The following DNAH9 variants were observed in gnomAD, a reference collection of about 807,000 sequenced individuals.
DNAH9 encodes dynein axonemal heavy chain 9, also known as DNAH9 variant protein.
In DNAH9, 345 loss-of-function variants were observed where a neutral mutation model predicts 471.6. The observed-to-expected ratio is 0.73, with a 90% CI of 0.67 to 0.80. The LOEUF (loss-of-function observed/expected upper bound fraction) is 0.80, where lower values mean the gene tolerates loss of function less well. Among genes scored for constraint, DNAH9 ranks in the 30% least tolerant of loss-of-function variants. DNAH9 has a pLI of 0.00. For missense variants in DNAH9, 5,407 were observed against 5,609.2 expected, an observed-to-expected ratio of 0.96 and a Z score of 1.15; for synonymous variants, 2,093 against 2,123.6, an observed-to-expected ratio of 0.99 and a Z score of 0.40.
chr17:11,614,797 C>CT (rs1352421938), intron 4 of DNAH9, among the ~76,000 whole-genome samples: 3 of 152,120 alleles, frequency 2.0e-5, no homozygotes, highest in Admixed American at 1.3e-4. Flanking sequence ...CAGCCAAACT[C>CT]TATGTGAAGC....
At chr17:11,624,410 G>A (rs1203667545) in intron 6 of DNAH9, among the ~76,000 whole-genome samples, 1 of 152,142 alleles carries the variant, frequency 6.6e-6, no homozygotes, top group African/African-American at 2.4e-5. Context: ...CCAGGAGGCT[G>A]AGGCAGGAGA....
intron 11 of DNAH9, among the ~76,000 whole-genome samples, chr17:11,645,879 C>CTTTT (rs760279719): frequency 8.5e-5 from 6 of 70,612 alleles, no homozygotes; most frequent in Non-Finnish European, 1.5e-4. Context: ...TTTTCTTTTT[C>CTTTT]TTTTTTTTTT....
intron 43 of DNAH9, among the ~76,000 whole-genome samples, chr17:11,802,473 A>G (rs1398733525): frequency 6.6e-6 from 1 of 152,080 alleles, no homozygotes; most frequent in Non-Finnish European, 1.5e-5. Context: ...TACTAAAAAT[A>G]CCAAAAAACT....
At chr17:11,902,651 TC>T (rs1308101219) in intron 59 of DNAH9, 67 bp from the exon 60 acceptor site, 27 of 1,426,464 alleles carry the variant, frequency 1.9e-5, no homozygotes, top group African/African-American at 2.8e-5. Flanking sequence ...GGCCCCTCAA[TC>T]CCCCAACACA....
intron 28 of DNAH9, among the ~76,000 whole-genome samples, chr17:11,734,644 G>A (rs1445972828): frequency 6.6e-6 from 1 of 152,208 alleles, no homozygotes; most frequent in Non-Finnish European, 1.5e-5. Flanking sequence ...CTGAGAGAGG[G>A]AGAGAGGGGA....
At chr17:11,868,705 T>C (rs1414012561) in intron 50 of DNAH9, among the ~76,000 whole-genome samples, 1 of 152,068 alleles carries the variant, frequency 6.6e-6, no homozygotes, top group Non-Finnish European at 1.5e-5. Context: ...GATGTGTTCT[T>C]GCTTCTAATA....
rs1428467623 is a variant in DNAH9 at position 11,780,997 on chromosome 17, C to G, written c.7553-12C>G. 6.2e-7 allele frequency: 1 copy of G among 1,612,028 alleles called. No homozygotes were observed. The highest frequency in any genetic ancestry group is 1.3e-5 in the African/African-American group (1 of 74,860). On this transcript the variant is annotated splice_polypyrimidine_tract_variant and intron_variant, in intron 38 of 68. Coordinates refer to ENST00000262442, the MANE Select transcript of DNAH9 (RefSeq NM_001372.4). ...TGAGCCGCCTTCCCTCACCGACTGG[C>G]TCTCTCCCCAGCTGTCCTGGAGAAG...
intron 67 of DNAH9, among the ~76,000 whole-genome samples, chr17:11,951,485 A>G (rs1975358778): frequency 6.6e-6 from 1 of 151,372 alleles, no homozygotes; most frequent in African/African-American, 2.5e-5. Context: ...GTTTGAGACC[A>G]GCCTAGCCAA....
rs1433816476 is a variant in DNAH9, at chr17:11,690,373, AACATGGACTC to A, written c.4554_4563del (p.Thr1520LysfsTer31). 1.5e-5 allele frequency: 25 copies of A among 1,614,178 alleles called. No individual in the cohort carries two copies. The highest frequency in any genetic ancestry group is 2.1e-5 in the Non-Finnish European group (25 of 1,180,028). On this transcript the variant is annotated frameshift_variant, in exon 20 of 69. Coordinates refer to ENST00000262442, the MANE Select transcript of DNAH9 (RefSeq NM_001372.4). LOFTEE classifies it high-confidence loss of function. ...TCTCTATCTGGTTTGAAGTGCAGCG[AACATGGACTC>A]ACCTGGAAAGCATATTCACTGGATC...
At chr17:11,665,470 G>A (rs896759517) in intron 15 of DNAH9, among the ~76,000 whole-genome samples, 29 of 152,218 alleles carry the variant, frequency 1.9e-4, no homozygotes, top group Non-Finnish European at 3.5e-4. Context: ...ACAAGAAGTA[G>A]GGGAGGAGGT....
intron 22 of DNAH9, among the ~76,000 whole-genome samples, chr17:11,699,024 G>A (rs1163972363): frequency 6.6e-6 from 1 of 152,108 alleles, no homozygotes; most frequent in Non-Finnish European, 1.5e-5. Context: ...GCCAAGGGGG[G>A]CGGATCACGA....
chr17:11,860,541 G>A (rs1971805639), intron 50 of DNAH9, among the ~76,000 whole-genome samples: 1 of 151,872 alleles, frequency 6.6e-6, no homozygotes, highest in South Asian at 2.1e-4. Flanking sequence ...TGTTGTTGTT[G>A]CTTTGTGTTT....
At chr17:11,701,718 G>A (rs561388177) in intron 24 of DNAH9, among the ~76,000 whole-genome samples, 9 of 152,052 alleles carry the variant, frequency 5.9e-5, no homozygotes, top group African/African-American at 1.9e-4. Flanking sequence ...TTGCTCTGTC[G>A]CCCAGGCTGA....
At chr17:11,656,451 A>G (rs2073650432) in intron 14 of DNAH9, among the ~76,000 whole-genome samples, 1 of 152,082 alleles carries the variant, frequency 6.6e-6, no homozygotes, top group South Asian at 2.1e-4. Flanking sequence ...CTAGATTTTT[A>G]AAACAGTGTA....
intron 48 of DNAH9, among the ~76,000 whole-genome samples, chr17:11,833,019 A>G: frequency 6.6e-6 from 1 of 152,230 alleles, no homozygotes; most frequent in East Asian, 1.9e-4. Context: ...GATTCAGTAC[A>G]TCTGGATTAG....
At chr17:11,777,087 T>C (rs951450542) in intron 38 of DNAH9, among the ~76,000 whole-genome samples, 1 of 152,256 alleles carries the variant, frequency 6.6e-6, no homozygotes, top group South Asian at 2.1e-4. Flanking sequence ...ATCTGTTTTA[T>C]AAATATCTGT....
At chr17:11,688,228 C>A (rs917841394) in intron 19 of DNAH9, among the ~76,000 whole-genome samples, 3 of 151,868 alleles carry the variant, frequency 2.0e-5, no homozygotes, top group African/African-American at 7.3e-5. Context: ...GGATTAGAAG[C>A]AGTTTCAGGT....
intron 48 of DNAH9, among the ~76,000 whole-genome samples, chr17:11,831,563 C>G (rs1970684919): frequency 6.6e-6 from 1 of 152,150 alleles, no homozygotes; most frequent in South Asian, 2.1e-4. Flanking sequence ...CTATAACAGT[C>G]TCCAGCCCTC....
chr17:11,634,971 G>T (rs2073134034), intron 8 of DNAH9, among the ~76,000 whole-genome samples: 1 of 152,112 alleles, frequency 6.6e-6, no homozygotes, highest in African/African-American at 2.4e-5. Flanking sequence ...AGAGCATAAG[G>T]TCTTAGACAA....
Sources: allele counts gnomAD v4.1 joint callset (sites outside exome capture counted in the v4.1 genomes callset), GRCh38; gene constraint gnomAD v4.1.1; transcripts MANE v1.5; gene names NCBI Gene and HGNC (gene_info 2026-07-23, HGNC 2026-07-21).